STK26: variants seen among roughly 807,000 people sequenced by gnomAD.
STK26 encodes serine/threonine-protein kinase 26.
A neutral mutation model predicts 34.7 loss-of-function variants in STK26; 14 were observed. The ratio of observed to expected loss-of-function variants is 0.40; its 90% CI spans 0.27 to 0.63. The LOEUF is 0.63. STK26 is among the 30% of genes least tolerant of loss of function. The pLI is 0.38. For missense variants in STK26, 226 were observed against 309.1 expected (o/e 0.73, Z 2.02); for synonymous variants, 100 against 109.8 (o/e 0.91, Z 0.56).
At chrX:132,050,437 T>C (rs1183858471) in intron 2 of STK26, among the ~76,000 whole-genome samples, 4 of 112,101 alleles carry the variant, frequency 3.6e-5, no homozygotes, top group African/African-American at 1.3e-4. Context: ...GATTCCAGGA[T>C]ACCTTCTTCT....
intron 4 of STK26, among the ~76,000 whole-genome samples, chrX:132,067,565 A>T (rs1927261911): frequency 8.9e-6 from 1 of 112,015 alleles, no homozygotes; most frequent in Non-Finnish European, 1.9e-5. Context: ...AGGGATGGGG[A>T]AATAAAGGGA....
At chrX:132,028,733 A>G (rs757082491) in intron 2 of STK26, among the ~76,000 whole-genome samples, 1 of 110,399 alleles carries the variant, frequency 9.1e-6, no homozygotes, top group Non-Finnish European at 1.9e-5. Flanking sequence ...AAAGGATGAG[A>G]ACGTGTGTCA....
At chrX:132,071,765 G>A (rs974795958) in intron 8 of STK26, among the ~76,000 whole-genome samples, 39 of 112,456 alleles carry the variant, frequency 3.5e-4, no homozygotes, top group African/African-American at 1.1e-3. Flanking sequence ...AGGAAAGTCT[G>A]TATGCTATGC....
intron 2 of STK26, among the ~76,000 whole-genome samples, chrX:132,043,982 T>C (rs990907518): frequency 8.9e-6 from 1 of 112,070 alleles, no homozygotes; most frequent in African/African-American, 3.2e-5. Context: ...CACATGAAAA[T>C]AGGGATTGAC....
In STK26 at chrX:132,044,794, T is replaced by G. The variant is rs866434628; in HGVS notation, c.43-9837T>G. On this transcript the variant is annotated intron_variant, in intron 2 of 11. Coordinates refer to ENST00000394334, the MANE Select transcript of STK26 (RefSeq NM_016542.4). ...AGAGATCTATATATATATTTATATATATAGAGAGAGATCTATATATATATT... is the reference window on the plus strand; with the variant it reads ...AGAGATCTATATATATATTTATATAGATAGAGAGAGATCTATATATATATT... 7.8e-3 allele frequency among the ~76,000 whole-genome samples: 290 copies of G among 37,146 alleles called. 17 individuals carry two copies. The highest frequency in any genetic ancestry group is 0.021 in the African/African-American group (158 of 7,364). The allele number at this position is 37,146 out of a possible 115,157, so 32.3% of individuals were successfully genotyped here.
At position 132,034,367 on chromosome X, in the gene STK26, C is replaced by T. The variant is rs1327437999; in HGVS notation, c.42+10708C>T. The stretch of plus-strand genomic sequence containing the variant: ...TGTCGCCCAGGCTGGAGTGCAGTGG[C>T]GCGATCTCGGCTCACTGCAAGCTCC... On this transcript the variant is annotated intron_variant, in intron 2 of 11. Coordinates refer to ENST00000394334, the MANE Select transcript of STK26 (RefSeq NM_016542.4). Among the ~76,000 whole-genome samples the T allele has an allele frequency of 3.7e-5, 3 of 81,172 alleles. No homozygotes were observed. The East Asian group carries it at 1.4e-3, about 38-fold the overall frequency. 70.5% of individuals were successfully genotyped at this position (81,172 alleles called of 115,157 possible). A position where few individuals can be genotyped will look rare whatever the true frequency, so the allele number is the denominator to read the frequency against.
intron 2 of STK26, among the ~76,000 whole-genome samples, chrX:132,048,732 A>C (rs749820541): frequency 9.0e-6 from 1 of 111,673 alleles, no homozygotes; most frequent in Non-Finnish European, 1.9e-5. Context: ...GCTTCCATTT[A>C]GTGATCCTAG....
At chrX:132,049,835 T>C (rs886467951) in intron 2 of STK26, among the ~76,000 whole-genome samples, 14 of 112,314 alleles carry the variant, frequency 1.2e-4, no homozygotes, top group African/African-American at 4.2e-4. Flanking sequence ...AGCTACAGCA[T>C]TCATAGTATG....
chrX:132,041,037 C>T (rs1418261276), intron 2 of STK26, among the ~76,000 whole-genome samples: 8 of 111,522 alleles, frequency 7.2e-5, no homozygotes, highest in African/African-American at 2.3e-4. Flanking sequence ...ATTTTTTTTC[C>T]GCAAAATATC....
intron 3 of STK26, among the ~76,000 whole-genome samples, chrX:132,058,436 T>C (rs138123450): frequency 0.029 from 3,287 of 111,438 alleles, 72 homozygotes; most frequent in Non-Finnish European, 0.044. Context: ...AAATACGCCC[T>C]ATTTAAAATG....
chrX:132,031,386 G>C (rs181352224), intron 2 of STK26, among the ~76,000 whole-genome samples: 3 of 111,993 alleles, frequency 2.7e-5, no homozygotes, highest in Admixed American at 1.9e-4. Flanking sequence ...AATAAATTAT[G>C]GTTAACCATA....
chrX:132,037,716 C>G (rs1466609864), intron 2 of STK26, among the ~76,000 whole-genome samples: 1 of 104,394 alleles, frequency 9.6e-6, no homozygotes, highest in African/African-American at 3.6e-5. Context: ...TGGAAGGGAC[C>G]AGGCATTGAA....
chrX:132,034,025 A>T (rs1925936871), intron 2 of STK26, among the ~76,000 whole-genome samples: 1 of 108,808 alleles, frequency 9.2e-6, no homozygotes, highest in African/African-American at 3.3e-5. Context: ...GGCCTTCAAT[A>T]GACTTTTAAA....
intron 2 of STK26, among the ~76,000 whole-genome samples, chrX:132,044,712 TATATATATATTTATATATATATAG>T (rs1926405032): frequency 1.6e-5 from 1 of 60,848 alleles, no homozygotes; most frequent in African/African-American, 7.1e-5. Flanking sequence ...GAGAGAGATC[TATATATATATTTATATATATATAG>T]AGAGATCTAT....
At chrX:132,026,493 T>G (rs979752337) in intron 2 of STK26, among the ~76,000 whole-genome samples, 1 of 111,505 alleles carries the variant, frequency 9.0e-6, no homozygotes, top group Non-Finnish European at 1.9e-5. Context: ...ATATTTAAAG[T>G]ACAACTTAAA....
intron 2 of STK26, among the ~76,000 whole-genome samples, chrX:132,031,224 A>G (rs1925826209): frequency 8.9e-6 from 1 of 112,155 alleles, no homozygotes; most frequent in Non-Finnish European, 1.9e-5. Flanking sequence ...GGCATGAGCC[A>G]TTGTGCCCAA....
At chrX:132,055,001 G>A in intron 3 of STK26, 140 bp downstream of exon 3, 1 of 531,016 alleles carries the variant, frequency 1.9e-6, no homozygotes, top group South Asian at 3.4e-5. Flanking sequence ...CATTTATAGT[G>A]CCAAATAAAC....
Position 132,069,410 on chromosome X carries a change from C to CATATATATATAT in STK26, c.598-37_598-26dup, listed in dbSNP as rs57609807. 2.3e-3 allele frequency: 213 copies of CATATATATATAT among 93,752 alleles called. 2 individuals carry two copies. Among genetic ancestry groups the CATATATATATAT allele is most frequent in the African/African-American group, 6.9e-3 (107 of 15,488 alleles). The allele number at this position is 93,752 out of a possible 1,213,427, so 7.7% of individuals were successfully genotyped here. On this transcript the variant is annotated intron_variant, in intron 6 of 11. Transcript: ENST00000394334. ...TTTCAAGGTGATATACATACATACA[C>CATATATATATAT]ATATATATATATATATATATATATA...
chrX:132,071,003 TACCA>T, intron 7 of STK26, 62 bp from the exon 8 acceptor site: 1 of 1,073,064 alleles, frequency 9.3e-7, no homozygotes, highest in Admixed American at 2.8e-5. Flanking sequence ...TGATTTTTTT[TACCA>T]TTCCTTGTAA....
Sources: allele counts gnomAD v4.1 joint callset (sites outside exome capture counted in the v4.1 genomes callset), GRCh38; gene constraint gnomAD v4.1.1; transcripts MANE v1.5; gene names NCBI Gene and HGNC (gene_info 2026-07-23, HGNC 2026-07-21).